The following IFIT3 variants were observed in gnomAD, a reference collection of about 807,000 sequenced individuals.
IFIT3 encodes the protein interferon-induced protein with tetratricopeptide repeats 3.
A neutral mutation model predicts 2.4 loss-of-function variants in IFIT3; 2 were observed. The observed-to-expected ratio is 0.82, with a 90% CI of 0.34 to 2.60. IFIT3 has a LOEUF of 2.60. IFIT3 is among the 30% of genes most tolerant of loss of function. The pLI is 0.11. For synonymous variants in IFIT3, 203 were observed against 212.1 expected (o/e 0.96, Z 0.37); for missense variants, 481 against 562.4 (o/e 0.86, Z 1.46).
chr10:89,339,960 C>G lies in IFIT3; in HGVS notation c.1305C>G (p.Ala435=), dbSNP rs1564793861. The part of the protein sequence containing the change: ...HKQNGDLLQA[A]KCYEKELGRL... ...AGAATGGAGATCTGCTGCAAGCAGC[C>G]AAATGTTATGAGAAGGAACTGGGCC... The change falls in exon 2 of 2, where the codon GCC becomes GCG. Residue 435 remains alanine (A), a synonymous_variant. Transcript: ENST00000371818. The G allele has an allele frequency of 6.2e-7, 1 of 1,614,136 alleles. No individual in the cohort carries two copies. Among genetic ancestry groups the G allele is most frequent in the Admixed American group, 1.7e-5 (1 of 60,016 alleles).
intron 1 of IFIT3, among the ~76,000 whole-genome samples, chr10:89,328,364 C>T (rs778798548): frequency 1.1e-4 from 17 of 152,090 alleles, no homozygotes; most frequent in Non-Finnish European, 2.1e-4. Flanking sequence ...GCAGCTATTT[C>T]CTGCAATGAG....
At chr10:89,331,180 T>C (rs540612183) in intron 1 of IFIT3, among the ~76,000 whole-genome samples, 26 of 152,158 alleles carry the variant, frequency 1.7e-4, no homozygotes, top group African/African-American at 5.8e-4. Flanking sequence ...GTTGTTGCTG[T>C]TGTTGTTTTT....
In IFIT3 at chr10:89,339,600, G is replaced by A. The variant is rs764316014; in HGVS notation, c.945G>A (p.Met315Ile). 2 of 1,614,134 alleles carry A rather than the reference G, an allele frequency of 1.2e-6. No individual in the cohort carries two copies. The highest frequency in any genetic ancestry group is 3.3e-5 in the Admixed American group (2 of 60,028). The change falls in exon 2 of 2, where the codon ATG becomes ATA. Residue 315 changes from methionine (M) to isoleucine (I), a missense_variant. By Grantham distance (10) the Met-to-Ile change is conservative (BLOSUM62 1). Transcript: ENST00000371818. Reference protein sequence around the residue: ...EMIEALKQYAMDYSNKALEKG... With the variant: ...EMIEALKQYAIDYSNKALEKG... ...TTGAAGCACTAAAGCAATATGCTAT[G>A]GACTATTCGAATAAAGCTCTTGAGA...
rs764984272 is a variant in IFIT3, at chr10:89,339,742, C to T, written c.1087C>T (p.Arg363Cys). 41 of 1,614,016 alleles carry T rather than the reference C, an allele frequency of 2.5e-5. No homozygotes were observed. The highest frequency in any genetic ancestry group is 3.3e-5 in the South Asian group (3 of 91,086). The change falls in exon 2 of 2, where the codon CGC (arginine) becomes TGC (cysteine). Residue 363 changes from arginine (R) to cysteine (C), a missense_variant. Arg to Cys is a radical substitution (Grantham distance 180, BLOSUM62 -3). Transcript: ENST00000371818. ...TGCTGAAAAGCAACAATCCCATCAGCGCTACTGCAACCTTCAGAAATATAA... is the reference window on the plus strand; with the variant it reads ...TGCTGAAAAGCAACAATCCCATCAGTGCTACTGCAACCTTCAGAAATATAA... ...PDAEKQQSHQRYCNLQKYNGK... is the reference protein window; with the variant it reads ...PDAEKQQSHQCYCNLQKYNGK...
At chr10:89,333,271 C>A (rs966550344) in intron 1 of IFIT3, among the ~76,000 whole-genome samples, 4 of 152,182 alleles carry the variant, frequency 2.6e-5, no homozygotes, top group Non-Finnish European at 5.9e-5. Context: ...TCATATCAAC[C>A]TGAGTCTTCT....
intron 1 of IFIT3, chr10:89,332,668 T>TA (rs776633937): frequency 6.3e-7 from 1 of 1,588,338 alleles, no homozygotes; most frequent in African/African-American, 1.3e-5. Flanking sequence ...CAGAATTTCT[T>TA]ATGTACAACT....
chr10:89,332,486 T>G, intron 1 of IFIT3: 1 of 1,551,108 alleles, frequency 6.4e-7, no homozygotes, highest in Non-Finnish European at 8.7e-7. Context: ...AGTTTCACTT[T>G]CCTTTCCCCT....
At chr10:89,336,743 G>A (rs1843746823) in intron 1 of IFIT3, among the ~76,000 whole-genome samples, 1 of 150,616 alleles carries the variant, frequency 6.6e-6, no homozygotes, top group African/African-American at 2.5e-5. Flanking sequence ...GCCCTATTTG[G>A]TTCATAACTT....
intron 1 of IFIT3, 95 bp downstream of exon 1, chr10:89,328,173 A>T: frequency 8.6e-7 from 1 of 1,164,638 alleles, no homozygotes; most frequent in Non-Finnish European, 1.3e-6. Context: ...AATTGTCCTG[A>T]TGTTTATAGA....
chr10:89,334,478 C>CTTTTTTTTTTTTT lies in IFIT3; in HGVS notation c.6-4160_6-4148dup, dbSNP rs578154457. On this transcript the variant is annotated intron_variant, in intron 1 of 1. Transcript: ENST00000371818. ...TGTTTTTTCTTCTTTTTCTTTTATT[C>CTTTTTTTTTTTTT]TTTTTTTTTTTTTTTTTTTTTTTTT... 7.9e-4 allele frequency among the ~76,000 whole-genome samples: 20 copies of CTTTTTTTTTTTTT among 25,332 alleles called. 2 individuals carry two copies. Among genetic ancestry groups the CTTTTTTTTTTTTT allele is most frequent in the Admixed American group, 1.7e-3 (3 of 1,768 alleles). The allele number at this position is 25,332 out of a possible 152,430, so 16.6% of individuals were successfully genotyped here.
At position 89,339,568 on chromosome 10, in the gene IFIT3, G is replaced by A. The variant is rs1843816805; in HGVS notation, c.913G>A (p.Glu305Lys). 1.2e-6 allele frequency: 2 copies of A among 1,614,198 alleles called. No individual in the cohort carries two copies. The highest frequency in any genetic ancestry group is 1.7e-6 in the Non-Finnish European group (2 of 1,180,028). Residue 305 changes from glutamate (E) to lysine (K), a missense_variant, in exon 2 of 2, where the codon GAG becomes AAG. Glu to Lys is a moderately conservative substitution (Grantham distance 56). Coordinates refer to ENST00000371818, the MANE Select transcript of IFIT3 (RefSeq NM_001549.6). Reference sequence around the variant, plus strand: ...AGAATCTGAAGCTAGTGGAAATAAAGAGATGATTGAAGCACTAAAGCAATA... The same window carrying A: ...AGAATCTGAAGCTAGTGGAAATAAAAAGATGATTGAAGCACTAAAGCAATA... ...TGESEASGNK[E>K]MIEALKQYAM...
intron 1 of IFIT3, among the ~76,000 whole-genome samples, chr10:89,330,691 C>T (rs1033217086): frequency 1.3e-5 from 2 of 152,126 alleles, no homozygotes; most frequent in Non-Finnish European, 2.9e-5. Flanking sequence ...AAGAAATATC[C>T]CAGAACTAAG....
chr10:89,328,138 T>A, intron 1 of IFIT3, 60 bp downstream of exon 1: 1 of 1,516,914 alleles, frequency 6.6e-7, no homozygotes, highest in African/African-American at 1.4e-5. Context: ...TAAGTTGAGT[T>A]TCTTACTGTG....
In IFIT3 at chr10:89,338,641, C is replaced by G. The variant is rs1399370964; in HGVS notation, c.6-20C>G. The G allele has an allele frequency of 1.3e-6, 2 of 1,597,806 alleles. No homozygotes were observed. The highest frequency in any genetic ancestry group is 1.7e-6 in the Non-Finnish European group (2 of 1,171,042). On this transcript the variant is annotated intron_variant, in intron 1 of 1. Transcript: ENST00000371818. ...GCTTGGCAGTGTACATCACAGTGAC[C>G]ATGTTTATTTTCTCCACAGTGAGGT...
chr10:89,338,362 TA>T (rs1475761564), intron 1 of IFIT3: 1 of 288,834 alleles, frequency 3.5e-6, no homozygotes, highest in African/African-American at 2.1e-5. Context: ...ACCAATGTCC[TA>T]GCTCAAGCAG....
Position 89,339,063 on chromosome 10 carries a change from T to C in IFIT3, c.408T>C (p.Ser136=). The C allele has an allele frequency of 6.2e-7, 1 of 1,614,108 alleles. No individual in the cohort carries two copies. The highest frequency in any genetic ancestry group is 1.7e-5 in the Admixed American group (1 of 60,026). The part of the protein sequence containing the change: ...KFSNPYSIEY[S]ELDCEEGWTQ... ...CAAATCCATACAGTATTGAGTATTC[T>C]GAACTTGACTGTGAGGAAGGGTGGA... is the stretch of plus-strand genomic sequence containing the variant. The change falls in exon 2 of 2, where the codon TCT becomes TCC. Residue 136 remains serine, a synonymous_variant. Transcript: ENST00000371818.
chr10:89,338,824 T>A lies in IFIT3; in HGVS notation c.169T>A (p.Leu57Met). The A allele has an allele frequency of 2.5e-6, 4 of 1,614,162 alleles. No homozygotes were observed. The highest frequency in any genetic ancestry group is 3.4e-6 in the Non-Finnish European group (4 of 1,180,004). ...TEFKATMYNL[L>M]AYIKHLDGNN... is the part of the protein sequence containing the mutation. ...GTTCAAAGCTACAATGTACAACTTGTTGGCCTACATAAAACACCTAGATGG... is the reference window on the plus strand; with the variant it reads ...GTTCAAAGCTACAATGTACAACTTGATGGCCTACATAAAACACCTAGATGG... The change falls in exon 2 of 2, where the codon TTG becomes ATG. Residue 57 changes from leucine (L) to methionine (M), a missense_variant. Physicochemically the swap from Leu to Met is conservative, Grantham distance 15. Coordinates refer to ENST00000371818, the MANE Select transcript of IFIT3 (RefSeq NM_001549.6).
chr10:89,332,761 C>A, intron 1 of IFIT3: 1 of 948,136 alleles, frequency 1.1e-6, no homozygotes, highest in South Asian at 1.4e-5. Flanking sequence ...CTTACCAATT[C>A]ATGCATTTTT....
chr10:89,337,871 C>T (rs1843769907), intron 1 of IFIT3, among the ~76,000 whole-genome samples: 1 of 152,198 alleles, frequency 6.6e-6, no homozygotes, highest in South Asian at 2.1e-4. Context: ...AAGCAACTTA[C>T]AATTTTTCCA....
Sources: gnomAD v4.1 joint callset for allele counts (sites outside exome capture counted in the v4.1 genomes callset) on GRCh38, gnomAD v4.1.1 for gene constraint, MANE v1.5 for transcripts, NCBI Gene and HGNC (gene_info 2026-07-23, HGNC 2026-07-21) for gene names.